Variants in PARD3B observed in about 807,000 individuals in gnomAD.
PARD3B encodes the protein partitioning defective 3 homolog B.
A neutral mutation model predicts 130.2 loss-of-function variants in PARD3B; 103 were observed. That is an observed-to-expected ratio of 0.79 (90% confidence interval 0.67 to 0.93). The LOEUF is 0.93. Among genes scored for constraint, PARD3B ranks in the 40% least tolerant of loss-of-function variants. The probability of loss-of-function intolerance (pLI) is 0.00; values close to 1 mark genes in which losing one functional copy is unlikely to be tolerated. For missense variants in PARD3B, 1,609 were observed against 1,499.2 expected, an observed-to-expected ratio of 1.07 and a Z score of -1.21; for synonymous variants, 583 against 553.2, an observed-to-expected ratio of 1.05 and a Z score of -0.76.
chr2:204,729,998 A>ACACACACAC (rs2039425997), intron 2 of PARD3B, among the ~76,000 whole-genome samples: 5 of 141,368 alleles, frequency 3.5e-5, no homozygotes, highest in East Asian at 2.1e-4. Context: ...CACACACACA[A>ACACACACAC]ACACACACAC....
At chr2:205,237,182 C>T (rs1215623357) in intron 15 of PARD3B, among the ~76,000 whole-genome samples, 2 of 152,152 alleles carry the variant, frequency 1.3e-5, no homozygotes, top group African/African-American at 4.8e-5. Context: ...TCATTGCAAC[C>T]TCCGCCTCCC....
At position 205,268,290 on chromosome 2, in the gene PARD3B, G is replaced by A. The variant is rs553871988; in HGVS notation, c.2185+22468G>A. The stretch of plus-strand genomic sequence containing the variant: ...AAGTAAATAAGCATGAAGACAGACT[G>A]ATTAAGCTCACTCATATAATTGGTT... On this transcript the variant is annotated intron_variant, in intron 16 of 22. Transcript: ENST00000406610. The surrounding 1 kb of genome is among the most constrained non-coding windows in gnomAD (Gnocchi z 4.1). Among the ~76,000 whole-genome samples the A allele has an allele frequency of 6.6e-6, 1 of 152,352 alleles. No individual in the cohort carries two copies. The highest frequency in any genetic ancestry group is 1.9e-4 in the East Asian group (1 of 5,196).
rs183626248 is a variant in PARD3B at position 205,068,146 on chromosome 2, C to T, written c.504+20456C>T. 1.5e-4 allele frequency among the ~76,000 whole-genome samples: 23 copies of T among 152,198 alleles called. No individual in the cohort carries two copies. The East Asian group carries it at 1.5e-3, about 10-fold the overall frequency. On this transcript the variant is annotated intron_variant, in intron 4 of 22. Transcript: ENST00000406610. Reference sequence around the variant, plus strand: ...AACACCTGTTCAGTCTGGGACTGTGCGTATGTGTTGTTTCTCTGTTTGGGG... The same window carrying T: ...AACACCTGTTCAGTCTGGGACTGTGTGTATGTGTTGTTTCTCTGTTTGGGG...
At chr2:205,028,274 C>A (rs377613505) in intron 3 of PARD3B, among the ~76,000 whole-genome samples, 14 of 152,034 alleles carry the variant, frequency 9.2e-5, no homozygotes, top group African/African-American at 2.9e-4. Flanking sequence ...ATGTACAGAT[C>A]TTTTACCTCC....
At chr2:204,809,957 C>G (rs2042908059) in intron 2 of PARD3B, among the ~76,000 whole-genome samples, 1 of 151,994 alleles carries the variant, frequency 6.6e-6, no homozygotes, top group Non-Finnish European at 1.5e-5. Context: ...CTTTCACCTC[C>G]CTGGTTAGCT....
chr2:205,111,138 C>G (rs776580333), intron 5 of PARD3B, among the ~76,000 whole-genome samples: 17 of 152,072 alleles, frequency 1.1e-4, no homozygotes, highest in Admixed American at 3.3e-4. Context: ...GAGACATGGT[C>G]TATGTAAAAT....
intron 18 of PARD3B, among the ~76,000 whole-genome samples, chr2:205,331,673 C>G (rs1246989831): frequency 2.7e-5 from 4 of 146,004 alleles, no homozygotes; most frequent in Non-Finnish European, 4.5e-5. Flanking sequence ...ATCCCAGGTA[C>G]TCAGGAGGCT....
Position 204,998,408 on chromosome 2 carries a change from A to G in PARD3B, c.394+33085A>G, listed in dbSNP as rs62173516. ...TGTGTGTATATATGTATATATGTGT[A>G]TATATATGTATATATGTGTATATAT... On this transcript the variant is annotated intron_variant, in intron 3 of 22. Coordinates refer to ENST00000406610, the MANE Select transcript of PARD3B (RefSeq NM_001302769.2). Among the ~76,000 whole-genome samples the G allele has an allele frequency of 2.1e-3, 122 of 58,084 alleles. 17 individuals carry two copies. The highest frequency in any genetic ancestry group is 7.2e-3 in the African/African-American group (108 of 15,050). The allele number at this position is 58,084 out of a possible 152,430, so 38.1% of individuals were successfully genotyped here.
chr2:205,370,874 TG>T (rs1161184286), intron 18 of PARD3B, among the ~76,000 whole-genome samples: 1 of 152,176 alleles, frequency 6.6e-6, no homozygotes, highest in Admixed American at 6.5e-5. Flanking sequence ...GTCAACTGTC[TG>T]TGTGTGGTTT....
intron 2 of PARD3B, among the ~76,000 whole-genome samples, chr2:204,941,980 C>A (rs1168282525): frequency 6.6e-6 from 1 of 152,070 alleles, no homozygotes; most frequent in Non-Finnish European, 1.5e-5. Flanking sequence ...GGTTTTATAT[C>A]ATTTTGATTC....
In PARD3B at chr2:204,598,636, T is replaced by C. The variant is rs116022665; in HGVS notation, c.120+52517T>C. On this transcript the variant is annotated intron_variant, in intron 1 of 22. Coordinates refer to ENST00000406610, the MANE Select transcript of PARD3B (RefSeq NM_001302769.2). Reference sequence around the variant, plus strand: ...TTAAATGTGTATGTATGCAAGTATGTATGTGTACAATATTATATTGCATGC... The same window carrying C: ...TTAAATGTGTATGTATGCAAGTATGCATGTGTACAATATTATATTGCATGC... Among the ~76,000 whole-genome samples the C allele has an allele frequency of 9.0e-3, 1,370 of 152,244 alleles. 19 individuals are homozygous for C. Among genetic ancestry groups the C allele is most frequent in the African/African-American group, 0.032 (1,330 of 41,570 alleles).
chr2:204,737,648 C>T (rs940420633), intron 2 of PARD3B, among the ~76,000 whole-genome samples: 15 of 152,114 alleles, frequency 9.9e-5, no homozygotes, highest in Non-Finnish European at 1.2e-4. Flanking sequence ...AATTCTTTGC[C>T]TAGGCCAGTG....
chr2:205,236,012 A>T (rs1042458006), intron 15 of PARD3B, among the ~76,000 whole-genome samples: 3 of 152,190 alleles, frequency 2.0e-5, no homozygotes, highest in African/African-American at 7.2e-5. Flanking sequence ...ATTAGGTTTG[A>T]GAGAGGGGAC....
intron 3 of PARD3B, among the ~76,000 whole-genome samples, chr2:205,041,775 T>A (rs893098767): frequency 1.3e-5 from 2 of 152,158 alleles, no homozygotes; most frequent in African/African-American, 4.8e-5. Flanking sequence ...ATTTAGAACA[T>A]GTGCCTTGTA....
chr2:204,592,335 T>A (rs1354831217), intron 1 of PARD3B, among the ~76,000 whole-genome samples: 1 of 152,242 alleles, frequency 6.6e-6, no homozygotes, highest in Non-Finnish European at 1.5e-5. Context: ...TGTGAGCTTA[T>A]TTAACCCCTA....
rs1177560247 is a variant in PARD3B at position 204,890,131 on chromosome 2, C to T, written c.223-75021C>T. ...TCTGCTTTGCCTTCTCCGCCTTCTC[C>T]GCATGCCAGCAGGAGCACTCACCAC... On this transcript the variant is annotated intron_variant, in intron 2 of 22. Coordinates refer to ENST00000406610, the MANE Select transcript of PARD3B (RefSeq NM_001302769.2). The surrounding 1 kb of genome is among the most constrained non-coding windows in gnomAD (Gnocchi z 4.9). 3.3e-5 allele frequency among the ~76,000 whole-genome samples: 5 copies of T among 152,206 alleles called. No homozygotes were observed. The South Asian group carries it at 6.2e-4, about 19-fold the overall frequency.
In PARD3B at chr2:205,122,342, C is replaced by T. The variant is rs1410207798; in HGVS notation, c.1165+393C>T. On this transcript the variant is annotated intron_variant, in intron 8 of 22. Coordinates refer to ENST00000406610, the MANE Select transcript of PARD3B (RefSeq NM_001302769.2). This position sits in a 1 kb window ranked among gnomAD's most constrained non-coding sequence, Gnocchi z 4.3. ...CAAAAAGCATATTGTTTTTCTAAGA[C>T]AGTCTTCTAACAACAAAAATTTACT... is the stretch of plus-strand genomic sequence containing the variant. Among the ~76,000 whole-genome samples, 2 of 152,136 alleles carry T rather than the reference C, an allele frequency of 1.3e-5. No individual in the cohort carries two copies. The highest frequency in any genetic ancestry group is 6.5e-5 in the Admixed American group (1 of 15,278).
intron 10 of PARD3B, among the ~76,000 whole-genome samples, chr2:205,127,195 G>T (rs1415010829): frequency 1.3e-5 from 2 of 151,258 alleles, no homozygotes; most frequent in Admixed American, 1.3e-4. Context: ...TGCTCAGGAG[G>T]CTGAGACAGG....
In PARD3B at chr2:204,870,878, T is replaced by C. The variant is rs565790449; in HGVS notation, c.223-94274T>C. On this transcript the variant is annotated intron_variant, in intron 2 of 22. Transcript: ENST00000406610. ...AGGGATTTTGATGTTTGTTTTGAGA[T>C]CCTCAGCAACAAATTATATTTAGAG... Among the ~76,000 whole-genome samples the C allele has an allele frequency of 1.2e-4, 19 of 152,270 alleles. No individual in the cohort carries two copies. The East Asian group carries it at 2.5e-3, about 20-fold the overall frequency.
Sources: gnomAD v4.1 joint callset for allele counts (sites outside exome capture counted in the v4.1 genomes callset) on GRCh38, gnomAD v4.1.1 for gene constraint, Gnocchi (gnomAD v3.1) non-coding constraint, MANE v1.5 for transcripts, NCBI Gene and HGNC (gene_info 2026-07-23, HGNC 2026-07-21) for gene names.